AKAP19: variants seen among roughly 807,000 people sequenced by gnomAD.
AKAP19 encodes A-kinase anchoring protein 19, also known as small A-kinase anchoring protein.
the AKAP19 span, among the ~76,000 whole-genome samples, chr2:190,146,106 G>A: frequency 4.6e-5 from 7 of 151,556 alleles, no homozygotes; most frequent in African/African-American, 1.5e-4. Context: ...CCCATCACCC[G>A]AGCAGTATAC....
At chr2:189,894,135 T>TC in the AKAP19 span, among the ~76,000 whole-genome samples, 1 of 152,144 alleles carries the variant, frequency 6.6e-6, no homozygotes, top group African/African-American at 2.4e-5. Context: ...AGACCAAGAA[T>TC]CTCTTTAGAT....
At chr2:189,934,245 A>G in the AKAP19 span, among the ~76,000 whole-genome samples, 2 of 152,090 alleles carry the variant, frequency 1.3e-5, no homozygotes, top group Non-Finnish European at 2.9e-5. Flanking sequence ...TAGCTGTAAC[A>G]TCACATTTTT....
chr2:190,021,445 C>T, the AKAP19 span, among the ~76,000 whole-genome samples: 3 of 152,266 alleles, frequency 2.0e-5, no homozygotes, highest in East Asian at 5.8e-4. Context: ...TTATGCTTAG[C>T]TTATTAAATA....
the AKAP19 span, among the ~76,000 whole-genome samples, chr2:189,996,556 A>G: frequency 1.3e-5 from 2 of 152,210 alleles, no homozygotes; most frequent in South Asian, 4.1e-4. Flanking sequence ...ATCTCCTTGA[A>G]TAAGTTAATA....
chr2:189,902,058 CTATTA>C, the AKAP19 span, among the ~76,000 whole-genome samples: 4 of 151,906 alleles, frequency 2.6e-5, no homozygotes, highest in Non-Finnish European at 5.9e-5. Flanking sequence ...ATTGATGAGT[CTATTA>C]TATTAGAACC....
chr2:189,998,137 G>GT, the AKAP19 span, among the ~76,000 whole-genome samples: 7 of 152,150 alleles, frequency 4.6e-5, no homozygotes, highest in Non-Finnish European at 8.8e-5. Flanking sequence ...GAAAGTCACA[G>GT]TTTTTTGTCT....
At chr2:190,117,162 G>A in the AKAP19 span, among the ~76,000 whole-genome samples, 1 of 152,124 alleles carries the variant, frequency 6.6e-6, no homozygotes, top group Non-Finnish European at 1.5e-5. Context: ...TATCATGTAG[G>A]CAGCAGTCAG....
the AKAP19 span, among the ~76,000 whole-genome samples, chr2:189,889,490 T>C: frequency 3.2e-4 from 49 of 152,322 alleles, no homozygotes; most frequent in African/African-American, 1.2e-3. Context: ...TTGGAATAGT[T>C]TCAGAAGGAA....
the AKAP19 span, among the ~76,000 whole-genome samples, chr2:189,890,364 G>A: frequency 6.6e-6 from 1 of 152,184 alleles, no homozygotes; most frequent in Non-Finnish European, 1.5e-5. Flanking sequence ...TAGAATAAGT[G>A]CAATGTGGTG....
chr2:189,989,073 A>G, the AKAP19 span, among the ~76,000 whole-genome samples: 3 of 152,200 alleles, frequency 2.0e-5, no homozygotes, highest in Non-Finnish European at 4.4e-5. Context: ...TTAGATTGTT[A>G]TGTGAAAAAG....
the AKAP19 span, among the ~76,000 whole-genome samples, chr2:189,899,931 A>T: frequency 6.6e-6 from 1 of 152,148 alleles, no homozygotes; most frequent in Non-Finnish European, 1.5e-5. Flanking sequence ...TACAATTTCT[A>T]TCCTTTAAAA....
chr2:190,198,701 T>C, the AKAP19 span, among the ~76,000 whole-genome samples: 2 of 143,534 alleles, frequency 1.4e-5, no homozygotes, highest in South Asian at 2.2e-4. Flanking sequence ...GCTATGTTTT[T>C]AGTCCCAAAA....
At chr2:190,127,363 C>T in the AKAP19 span, among the ~76,000 whole-genome samples, 1 of 151,666 alleles carries the variant, frequency 6.6e-6, no homozygotes, top group African/African-American at 2.4e-5. Context: ...GTTTTTCCTC[C>T]TCCAACCGCA....
chr2:190,199,373 A>G, the AKAP19 span, among the ~76,000 whole-genome samples: 9 of 152,202 alleles, frequency 5.9e-5, no homozygotes, highest in South Asian at 4.1e-4. Context: ...ATTTGGCCCA[A>G]TGGTTTGCTA....
At chr2:190,140,651 C>A in the AKAP19 span, among the ~76,000 whole-genome samples, 2 of 152,214 alleles carry the variant, frequency 1.3e-5, no homozygotes, top group African/African-American at 2.4e-5. Context: ...AGGCTGCATA[C>A]AGCAGGGAGG....
At chr2:189,887,657 C>T in the AKAP19 span, among the ~76,000 whole-genome samples, 1 of 152,180 alleles carries the variant, frequency 6.6e-6, no homozygotes, top group African/African-American at 2.4e-5. Flanking sequence ...TTAATGATCT[C>T]CATTCTAACT....
the AKAP19 span, among the ~76,000 whole-genome samples, chr2:189,991,941 T>A: frequency 2.6e-5 from 4 of 152,172 alleles, no homozygotes; most frequent in Admixed American, 2.0e-4. Flanking sequence ...CAGCACCATT[T>A]GTTGAATAGG....
the AKAP19 span, chr2:190,199,646 C>T: frequency 1.1e-5 from 13 of 1,200,294 alleles, 1 homozygote; most frequent in Admixed American, 6.1e-5. Flanking sequence ...CTCAATCATA[C>T]ACTATTTTGC....
the AKAP19 span, among the ~76,000 whole-genome samples, chr2:189,908,131 A>T: frequency 6.6e-6 from 1 of 151,060 alleles, no homozygotes; most frequent in South Asian, 2.1e-4. Flanking sequence ...TAGTACCTTA[A>T]GGTGTAAAGT....
Sources: allele counts gnomAD v4.1 joint callset (sites outside exome capture counted in the v4.1 genomes callset), GRCh38; gene constraint gnomAD v4.1.1; transcripts MANE v1.5; gene names NCBI Gene and HGNC (gene_info 2026-07-23, HGNC 2026-07-21).